Variants in AP3B1 observed in about 807,000 individuals in gnomAD.
The protein encoded by AP3B1 is AP-3 complex subunit beta-1.
A neutral mutation model predicts 132.5 loss-of-function variants in AP3B1; 61 were observed. The ratio of observed to expected loss-of-function variants is 0.46; its 90% CI spans 0.37 to 0.57. The LOEUF (loss-of-function observed/expected upper bound fraction) is 0.57. AP3B1 is among the 20% of genes least tolerant of loss of function. The probability of loss-of-function intolerance (pLI) is 0.00; values close to 1 mark genes in which losing one functional copy is unlikely to be tolerated. For missense variants in AP3B1, 1,120 were observed against 1,289.4 expected, an observed-to-expected ratio of 0.87 and a Z score of 2.01; for synonymous variants, 388 against 438.3, an observed-to-expected ratio of 0.89 and a Z score of 1.43.
intron 1 of AP3B1, among the ~76,000 whole-genome samples, chr5:78,291,850 A>ATCAACACTG (rs1165965262): frequency 6.6e-6 from 1 of 152,258 alleles, no homozygotes; most frequent in Non-Finnish European, 1.5e-5. Context: ...TCCTGAATAC[A>ATCAACACTG]TCAACACTGT....
At chr5:78,124,367 C>A (rs1280893356) in intron 17 of AP3B1, among the ~76,000 whole-genome samples, 1 of 152,082 alleles carries the variant, frequency 6.6e-6, no homozygotes, top group Non-Finnish European at 1.5e-5. Context: ...TAAACACACA[C>A]ACACACACAA....
chr5:78,213,019 A>G (rs1027109139), intron 7 of AP3B1, among the ~76,000 whole-genome samples: 3 of 152,042 alleles, frequency 2.0e-5, no homozygotes, highest in Non-Finnish European at 2.9e-5. Flanking sequence ...CTGGGACTAC[A>G]GGTGCCCGCC....
Position 78,015,520 on chromosome 5 carries a change from A to G in AP3B1, c.3021T>C (p.Ser1007=), listed in dbSNP as rs1471797396. 3.1e-6 allele frequency: 5 copies of G among 1,613,678 alleles called. No individual in the cohort carries two copies. In the African/African-American group the frequency reaches 5.3e-5, roughly 17 times the overall value. The stretch of plus-strand genomic sequence containing the variant: ...TCTGTGGTGCAGCAATGATTACAGC[A>G]GAAGTTTCATTCATTCCTGTTAGCA... ...QGVLTGMNET[S]AVIIAAPQNF... is the part of the protein sequence containing the mutation. Residue 1007 remains serine (S), a synonymous_variant, in exon 26 of 27, where the codon TCT becomes TCC. Coordinates refer to ENST00000255194, the MANE Select transcript of AP3B1 (RefSeq NM_003664.5).
chr5:78,208,960 T>C (rs1205214082), intron 7 of AP3B1, among the ~76,000 whole-genome samples: 1 of 151,748 alleles, frequency 6.6e-6, no homozygotes, highest in African/African-American at 2.4e-5. Flanking sequence ...ATGAAAGAGG[T>C]AAGCAGAAGC....
chr5:78,245,813 C>T (rs896977296), intron 2 of AP3B1, among the ~76,000 whole-genome samples: 3 of 152,144 alleles, frequency 2.0e-5, no homozygotes, highest in Non-Finnish European at 2.9e-5. Flanking sequence ...AAGTAAGGTT[C>T]ATAGGTGGAA....
At position 78,049,711 on chromosome 5, in the gene AP3B1, C is replaced by T. The variant is rs575832597; in HGVS notation, c.2578-10437G>A. Among the ~76,000 whole-genome samples, 14 of 152,310 alleles carry T rather than the reference C, an allele frequency of 9.2e-5. No individual in the cohort carries two copies. The East Asian group carries it at 2.5e-3, about 27-fold the overall frequency. ...CTATCATCTGGATTATTCCAACAGCCTCCTAATTGGTTTCCTTGTTCCTAC... is the reference window on the plus strand; with the variant it reads ...CTATCATCTGGATTATTCCAACAGCTTCCTAATTGGTTTCCTTGTTCCTAC... On this transcript the variant is annotated intron_variant, in intron 22 of 26. Transcript: ENST00000255194.
rs79432281 is a variant in AP3B1 at position 78,012,664 on chromosome 5, C to T, written c.3131+2746G>A. 2.3e-3 allele frequency among the ~76,000 whole-genome samples: 344 copies of T among 152,272 alleles called. 2 individuals carry two copies. The highest frequency in any genetic ancestry group is 7.1e-3 in the African/African-American group (294 of 41,548). On this transcript the variant is annotated intron_variant, in intron 26 of 26. Transcript: ENST00000255194. ...ACTTTTGACCCTGTAGTAACTTGGG[C>T]CCTCCCCCAGGTTACAGAGCCAAAC...
intron 14 of AP3B1, among the ~76,000 whole-genome samples, chr5:78,143,493 A>T (rs930782890): frequency 6.6e-6 from 1 of 152,264 alleles, no homozygotes. Context: ...TAAATATACC[A>T]AACTTTTGGT....
chr5:78,165,488 G>T, intron 12 of AP3B1, 122 bp downstream of exon 12: 1 of 635,998 alleles, frequency 1.6e-6, no homozygotes, highest in South Asian at 1.8e-5. Context: ...TTTCTTAGTT[G>T]TCAGTCTTGT....
intron 2 of AP3B1, among the ~76,000 whole-genome samples, chr5:78,258,501 G>A (rs774404105): frequency 2.0e-5 from 3 of 152,162 alleles, no homozygotes; most frequent in Non-Finnish European, 4.4e-5. Context: ...TCTCACCCCA[G>A]TTAAAATGGC....
chr5:78,038,646 T>A (rs1412049739), intron 23 of AP3B1, among the ~76,000 whole-genome samples: 2 of 152,172 alleles, frequency 1.3e-5, no homozygotes, highest in Non-Finnish European at 2.9e-5. Flanking sequence ...ATACGAGAAG[T>A]ATTGTATTCA....
rs1580385256 is a variant in AP3B1, at chr5:78,129,296, A to G, written c.1662T>C (p.Leu554=). 1 of 1,612,032 alleles carries G rather than the reference A, an allele frequency of 6.2e-7. No homozygotes were observed. The highest frequency in any genetic ancestry group is 8.5e-7 in the Non-Finnish European group (1 of 1,178,298). The change falls in exon 16 of 27, where the codon CTT becomes CTC. Residue 554 remains leucine, a synonymous_variant. Coordinates refer to ENST00000255194, the MANE Select transcript of AP3B1 (RefSeq NM_003664.5). Reference sequence around the variant, plus strand: ...TGCCGAGATTTAATATGTACTGGGTAAGCAATTTTGTCTGTTGGAAAAAAA... The same window carrying G: ...TGCCGAGATTTAATATGTACTGGGTGAGCAATTTTGTCTGTTGGAAAAAAA... ...YLTNSKQTKL[L]TQYILNLGKY... is the part of the protein sequence containing the mutation.
chr5:78,156,425 T>A, intron 13 of AP3B1, 58 bp from the exon 14 acceptor site: 1 of 1,213,660 alleles, frequency 8.2e-7, no homozygotes, highest in Non-Finnish European at 1.2e-6. Context: ...AAATGCAATA[T>A]GCTTCGTAAA....
intron 7 of AP3B1, among the ~76,000 whole-genome samples, chr5:78,193,769 TA>T (rs66816441): frequency 0.021 from 2,374 of 112,424 alleles, 79 homozygotes; most frequent in African/African-American, 0.025. Context: ...TATATATATA[TA>T]TTTTTTTTTT....
chr5:78,114,977 C>T (rs186666170), intron 18 of AP3B1, among the ~76,000 whole-genome samples: 44 of 152,248 alleles, frequency 2.9e-4, no homozygotes, highest in African/African-American at 9.9e-4. Flanking sequence ...CTTTTCAGAG[C>T]TGTTGTGAAG....
intron 2 of AP3B1, among the ~76,000 whole-genome samples, chr5:78,254,336 G>C (rs1747767317): frequency 6.6e-6 from 1 of 151,978 alleles, no homozygotes; most frequent in Non-Finnish European, 1.5e-5. Context: ...CCTAGAGAAA[G>C]ATATCAACAT....
chr5:78,121,220 G>A (rs968506077), intron 17 of AP3B1, among the ~76,000 whole-genome samples: 139 of 151,928 alleles, frequency 9.1e-4, no homozygotes, highest in Middle Eastern at 3.4e-3. Flanking sequence ...TTATAGCACT[G>A]AATGCCCACA....
chr5:78,050,387 T>C (rs1243763879), intron 22 of AP3B1, among the ~76,000 whole-genome samples: 1 of 152,150 alleles, frequency 6.6e-6, no homozygotes, highest in Admixed American at 6.5e-5. Context: ...CAAAGCATAA[T>C]TTTACTATTT....
At chr5:78,083,720 TA>T (rs200060328) in intron 22 of AP3B1, among the ~76,000 whole-genome samples, 1 of 152,184 alleles carries the variant, frequency 6.6e-6, no homozygotes, top group African/African-American at 2.4e-5. Context: ...ATAGAGTTAT[TA>T]AAAAAACTAA....
Sources: gnomAD v4.1 joint callset for allele counts (sites outside exome capture counted in the v4.1 genomes callset) on GRCh38, gnomAD v4.1.1 for gene constraint, MANE v1.5 for transcripts, NCBI Gene and HGNC (gene_info 2026-07-23, HGNC 2026-07-21) for gene names.